Variants in SUDS3 observed in about 807,000 individuals in gnomAD.
SUDS3 encodes the protein SIN3A corepressor complex component SDS3, also known as sin3 histone deacetylase corepressor complex component SDS3.
In SUDS3, 23 loss-of-function variants were observed where a neutral mutation model predicts 53.5. That is an observed-to-expected ratio of 0.43 (90% CI 0.31 to 0.61). SUDS3 has a LOEUF of 0.61. SUDS3 is among the 20% of genes least tolerant of loss of function. The pLI is 0.10. For synonymous variants in SUDS3, 150 were observed against 148.5 expected (o/e 1.01, Z -0.08); for missense variants, 291 against 405.9 (o/e 0.72, Z 2.43).
chr12:118,394,138 C>T (rs2046193227), intron 6 of SUDS3, among the ~76,000 whole-genome samples: 1 of 152,176 alleles, frequency 6.6e-6, no homozygotes, highest in Non-Finnish European at 1.5e-5. Context: ...GGCTGATGGT[C>T]CAGGGCTGAA....
Position 118,401,721 on chromosome 12 carries a change from A to G in SUDS3, c.614-38A>G, listed in dbSNP as rs1178172815. 1.9e-6 allele frequency: 3 copies of G among 1,561,566 alleles called. No homozygotes were observed. The East Asian group carries it at 6.7e-5, about 35-fold the overall frequency. On this transcript the variant is annotated intron_variant, in intron 7 of 11. Coordinates refer to ENST00000543473, the MANE Select transcript of SUDS3 (RefSeq NM_022491.3). Reference sequence around the variant, plus strand: ...TGTGTTGATTACTCTTTGCCTGGAAACTGTACTTTTCACATACAGTCCTTT... The same window carrying G: ...TGTGTTGATTACTCTTTGCCTGGAAGCTGTACTTTTCACATACAGTCCTTT...
intron 1 of SUDS3, among the ~76,000 whole-genome samples, chr12:118,379,272 A>G (rs1593748239): frequency 2.0e-5 from 3 of 152,108 alleles, no homozygotes; most frequent in East Asian, 3.9e-4. Context: ...CCTCATCTCT[A>G]CTAAAAATAC....
intron 6 of SUDS3, among the ~76,000 whole-genome samples, chr12:118,392,968 A>G (rs1012318548): frequency 1.3e-5 from 2 of 152,246 alleles, no homozygotes; most frequent in African/African-American, 4.8e-5. Context: ...GAAAAGACAA[A>G]TAAATGTAGG....
chr12:118,391,368 C>A, intron 6 of SUDS3, 86 bp downstream of exon 6: 1 of 1,463,334 alleles, frequency 6.8e-7, no homozygotes. Flanking sequence ...TCTTACATTT[C>A]AAGAGCAGAG....
intron 8 of SUDS3, 75 bp from the exon 9 acceptor site, chr12:118,401,908 T>G: frequency 6.2e-7 from 1 of 1,600,578 alleles, no homozygotes; most frequent in Non-Finnish European, 8.6e-7. Flanking sequence ...TGTTAATCAT[T>G]ATGATACCTT....
chr12:118,399,042 CAG>C (rs1283512844), intron 6 of SUDS3, among the ~76,000 whole-genome samples: 2 of 152,112 alleles, frequency 1.3e-5, no homozygotes, highest in Non-Finnish European at 2.9e-5. Flanking sequence ...GGAAGCTAGA[CAG>C]AGGAGAGCCA....
At chr12:118,394,051 T>A (rs960705797) in intron 6 of SUDS3, among the ~76,000 whole-genome samples, 8 of 152,164 alleles carry the variant, frequency 5.3e-5, no homozygotes, top group African/African-American at 1.9e-4. Flanking sequence ...GTCATTACAA[T>A]GTCAAAATAG....
chr12:118,378,424 A>G (rs1214374415), intron 1 of SUDS3, among the ~76,000 whole-genome samples: 1 of 152,036 alleles, frequency 6.6e-6, no homozygotes, highest in Admixed American at 6.6e-5. Context: ...ATTCCTAAAC[A>G]GTGTAGCGTA....
chr12:118,378,134 G>T (rs536353017), intron 1 of SUDS3, among the ~76,000 whole-genome samples: 1 of 152,290 alleles, frequency 6.6e-6, no homozygotes, highest in Non-Finnish European at 1.5e-5. Context: ...CAGTATAGGG[G>T]CTATTAAAAT....
At chr12:118,384,217 T>A in intron 3 of SUDS3, 150 bp downstream of exon 3, 1 of 713,518 alleles carries the variant, frequency 1.4e-6, no homozygotes, top group Non-Finnish European at 2.3e-6. Flanking sequence ...TCTTTTGCTG[T>A]CAGTAAAGTG....
intron 11 of SUDS3, among the ~76,000 whole-genome samples, chr12:118,412,485 T>G (rs2046367569): frequency 6.6e-6 from 1 of 152,212 alleles, no homozygotes; most frequent in Non-Finnish European, 1.5e-5. Flanking sequence ...GGGAGAGCCT[T>G]CTAGATAAAT....
chr12:118,395,845 C>T (rs1453032786), intron 6 of SUDS3, among the ~76,000 whole-genome samples: 1 of 152,016 alleles, frequency 6.6e-6, no homozygotes, highest in Admixed American at 6.6e-5. Context: ...GTGCGTGCCA[C>T]CATGCCTGAC....
intron 7 of SUDS3, 131 bp from the exon 8 acceptor site, chr12:118,401,628 C>A: frequency 1.3e-6 from 1 of 768,960 alleles, no homozygotes; most frequent in Non-Finnish European, 2.2e-6. Flanking sequence ...TTCTAAGAAG[C>A]AAACTGTTAC....
At chr12:118,377,562 A>C (rs1319888412) in intron 1 of SUDS3, among the ~76,000 whole-genome samples, 1 of 147,496 alleles carries the variant, frequency 6.8e-6, no homozygotes, top group African/African-American at 2.5e-5. Context: ...GATTTGCTTA[A>C]TGGTCCCCAG....
rs1384772376 is a variant in SUDS3, at chr12:118,400,582, ATATTCT to A, written c.518-73_518-68del. On this transcript the variant is annotated intron_variant, in intron 6 of 11. Transcript: ENST00000543473. Reference sequence around the variant, plus strand: ...TTCTGATTGGGTGGCTGGGGGGCAGATATTCTTATACTATAGAAATTCTTACTGACT... The same window carrying A: ...TTCTGATTGGGTGGCTGGGGGGCAGATATACTATAGAAATTCTTACTGACT... The A allele has an allele frequency of 4.3e-6, 6 of 1,386,378 alleles. No homozygotes were observed. In the African/African-American group the frequency reaches 8.5e-5, roughly 20 times the overall value. 85.9% of individuals were successfully genotyped at this position (1,386,378 alleles called of 1,614,324 possible). A position where few individuals can be genotyped will look rare whatever the true frequency, so the allele number is the denominator to read the frequency against.
chr12:118,376,701 G>T lies in SUDS3; in HGVS notation c.10G>T (p.Ala4Ser), dbSNP rs746669779. The change falls in exon 1 of 12, where the codon GCG (alanine) becomes TCG (serine). Residue 4 changes from alanine to serine, a missense_variant. Physicochemically the swap from Ala to Ser is moderately conservative, Grantham distance 99 (BLOSUM62 1). This residue lies in a region of SUDS3 where 149 missense variants were observed against 146.5 expected (regional missense o/e 1.02). Transcript: ENST00000543473. ...TGCGGTCAGAGGCGACATGAGTGCC[G>T]CGGGGCTGCTGGCCCCGGCCCCGGC... MSA[A>S]GLLAPAPAQA... 1.3e-6 allele frequency: 2 copies of T among 1,512,810 alleles called. No homozygotes were observed. The highest frequency in any genetic ancestry group is 1.2e-5 in the South Asian group (1 of 81,368). The allele number at this position is 1,512,810 out of a possible 1,614,324, so 93.7% of individuals were successfully genotyped here. A position where few individuals can be genotyped will look rare whatever the true frequency, so the allele number is the denominator to read the frequency against.
chr12:118,414,120 C>A (rs7312555), intron 11 of SUDS3, among the ~76,000 whole-genome samples: 2 of 152,174 alleles, frequency 1.3e-5, no homozygotes, highest in African/African-American at 4.8e-5. Context: ...GGCTGAGAAA[C>A]GAGTTCAAGG....
At chr12:118,387,794 G>A (rs1224032583) in intron 4 of SUDS3, among the ~76,000 whole-genome samples, 1 of 152,050 alleles carries the variant, frequency 6.6e-6, no homozygotes, top group Admixed American at 6.6e-5. Context: ...CAGGTGATCC[G>A]CCCGGCTCGC....
chr12:118,388,564 G>A (rs1020006935), intron 4 of SUDS3, among the ~76,000 whole-genome samples: 2 of 152,136 alleles, frequency 1.3e-5, no homozygotes, highest in African/African-American at 2.4e-5. Flanking sequence ...CTAATCATCC[G>A]GCACATGGTA....
Sources: allele counts gnomAD v4.1 joint callset (sites outside exome capture counted in the v4.1 genomes callset), GRCh38; gene constraint gnomAD v4.1.1; regional missense constraint gnomAD v4.1.1; transcripts MANE v1.5; gene names NCBI Gene and HGNC (gene_info 2026-07-23, HGNC 2026-07-21).